The following SDK1 variants were observed in gnomAD, a reference collection of about 807,000 sequenced individuals.
SDK1 encodes the protein sidekick cell adhesion molecule 1.
A neutral mutation model predicts 245.5 loss-of-function variants in SDK1; 157 were observed. That is an observed-to-expected ratio of 0.64 (90% CI 0.56 to 0.73). The LOEUF is 0.73. SDK1 is among the 30% of genes least tolerant of loss of function. SDK1 has a pLI of 0.00. For missense variants in SDK1, 3,583 were observed against 3,002.3 expected (o/e 1.19, Z -4.52); for synonymous variants, 1,647 against 1,278.5 (o/e 1.29, Z -6.15).
chr7:4,082,895 A>G (rs2128179999), intron 22 of SDK1, among the ~76,000 whole-genome samples: 1 of 152,278 alleles, frequency 6.6e-6, no homozygotes, highest in Middle Eastern at 3.4e-3. Flanking sequence ...TGCTGTGATT[A>G]TAGGCATGAG....
chr7:3,764,890 A>C (rs1461556541), intron 4 of SDK1, among the ~76,000 whole-genome samples: 1 of 152,120 alleles, frequency 6.6e-6, no homozygotes. Flanking sequence ...TAAAAATAAA[A>C]AGTGCCATAC....
chr7:3,791,474 G>T (rs975790571), intron 4 of SDK1, among the ~76,000 whole-genome samples: 1 of 152,112 alleles, frequency 6.6e-6, no homozygotes, highest in African/African-American at 2.4e-5. Context: ...GTTCCCTCAG[G>T]GTCATCAGTC....
intron 1 of SDK1, among the ~76,000 whole-genome samples, chr7:3,582,616 T>C (rs1780540933): frequency 6.9e-6 from 1 of 144,732 alleles, no homozygotes; most frequent in Non-Finnish European, 1.5e-5. Flanking sequence ...GTAATCTATG[T>C]AATGAACCCT....
At chr7:4,258,093 A>T (rs1787738181) in intron 44 of SDK1, among the ~76,000 whole-genome samples, 1 of 152,168 alleles carries the variant, frequency 6.6e-6, no homozygotes. Context: ...TTCTCTTGAG[A>T]CTACAGGACT....
In SDK1 at chr7:4,161,772, C is replaced by T; in HGVS notation, c.4730-14C>T. On this transcript the variant is annotated splice_polypyrimidine_tract_variant and intron_variant, in intron 31 of 44. Coordinates refer to ENST00000404826, the MANE Select transcript of SDK1 (RefSeq NM_152744.4). ...ACCACCCTGACCCCCGCTTTCCTCT[C>T]CTGTGTGTTTCAGTTCCAGGAGAGC... is the stretch of plus-strand genomic sequence containing the variant. 6.2e-7 allele frequency: 1 copy of T among 1,611,622 alleles called. No individual in the cohort carries two copies.
chr7:4,220,224 C>G lies in SDK1; in HGVS notation c.5655C>G (p.Thr1885=), dbSNP rs770829401. 3.1e-6 allele frequency: 5 copies of G among 1,613,974 alleles called. No homozygotes were observed. The South Asian group carries it at 5.5e-5, about 18-fold the overall frequency. ...TCCGTGTCCAAGCGCGGACCATCAC[C>G]TACGGGCCCGAGCTCCAAGCCAATA... ...YFFRVQARTI[T]YGPELQANIT... is the part of the protein sequence containing the mutation. The change falls in exon 39 of 45, where the codon ACC becomes ACG. Residue 1885 remains threonine (T), a synonymous_variant. Coordinates refer to ENST00000404826, the MANE Select transcript of SDK1 (RefSeq NM_152744.4).
chr7:3,767,888 A>C (rs975296322), intron 4 of SDK1, among the ~76,000 whole-genome samples: 6 of 152,262 alleles, frequency 3.9e-5, no homozygotes, highest in Non-Finnish European at 7.3e-5. Context: ...TGTCTCCCAA[A>C]GCAAGGAGAG....
chr7:4,245,573 C>T (rs1786796069), intron 43 of SDK1, 103 bp from the exon 44 acceptor site: 1 of 1,368,308 alleles, frequency 7.3e-7, no homozygotes, highest in African/African-American at 1.4e-5. Flanking sequence ...CTGTGGGTTT[C>T]CTCTTAGTCC....
chr7:3,483,928 TTAAC>T (rs1781595983), intron 1 of SDK1, among the ~76,000 whole-genome samples: 1 of 152,232 alleles, frequency 6.6e-6, no homozygotes, highest in Admixed American at 6.5e-5. Context: ...TTTTTAGTTT[TTAAC>T]TAATACATAA....
chr7:4,194,637 A>G (rs553897714), intron 35 of SDK1, among the ~76,000 whole-genome samples: 4 of 152,272 alleles, frequency 2.6e-5, no homozygotes, highest in East Asian at 1.9e-4. Flanking sequence ...AGCTTCCAGT[A>G]TGGGAGAAGG....
chr7:4,008,185 C>T (rs894298794), intron 14 of SDK1, among the ~76,000 whole-genome samples: 1 of 152,214 alleles, frequency 6.6e-6, no homozygotes, highest in African/African-American at 2.4e-5. Flanking sequence ...ATACTGTCCT[C>T]AAGGTTCATC....
At chr7:3,303,957 C>T (rs1205455506) in intron 1 of SDK1, among the ~76,000 whole-genome samples, 5 of 152,110 alleles carry the variant, frequency 3.3e-5, no homozygotes, top group African/African-American at 4.8e-5. Context: ...TACGTTGGAG[C>T]GCCTCCTAAG....
intron 1 of SDK1, among the ~76,000 whole-genome samples, chr7:3,371,645 A>G (rs923071180): frequency 6.6e-6 from 1 of 152,186 alleles, no homozygotes; most frequent in African/African-American, 2.4e-5. Flanking sequence ...AAAATAGAAG[A>G]GGAGTATGGA....
intron 1 of SDK1, among the ~76,000 whole-genome samples, chr7:3,576,610 A>G (rs1583185285): frequency 6.6e-6 from 1 of 152,008 alleles, no homozygotes; most frequent in African/African-American, 2.4e-5. Context: ...TCCTAGAAAA[A>G]TGTAAGTCAT....
chr7:3,986,690 A>G (rs1042008659), intron 13 of SDK1, among the ~76,000 whole-genome samples: 4 of 152,060 alleles, frequency 2.6e-5, no homozygotes, highest in South Asian at 2.1e-4. Flanking sequence ...GTGAAACCCC[A>G]TCTCTACTAA....
rs928774882 is a variant in SDK1 at position 3,496,147 on chromosome 7, C to T, written c.299-122933C>T. Among the ~76,000 whole-genome samples, 4 of 152,120 alleles carry T rather than the reference C, an allele frequency of 2.6e-5. No individual in the cohort carries two copies. In the East Asian group the frequency reaches 7.7e-4, roughly 29 times the overall value. On this transcript the variant is annotated intron_variant, in intron 1 of 44. Coordinates refer to ENST00000404826, the MANE Select transcript of SDK1 (RefSeq NM_152744.4). ...TGCTCTGGTGCTGAGCAGCTGTATGCCTTTAACTTCTCTGTCACTGCTGCC... is the reference window on the plus strand; with the variant it reads ...TGCTCTGGTGCTGAGCAGCTGTATGTCTTTAACTTCTCTGTCACTGCTGCC...
chr7:3,350,512 G>A (rs1447696543), intron 1 of SDK1, among the ~76,000 whole-genome samples: 1 of 152,118 alleles, frequency 6.6e-6, no homozygotes, highest in African/African-American at 2.4e-5. Flanking sequence ...TGGTTATTTT[G>A]TTGTAAATTA....
intron 5 of SDK1, among the ~76,000 whole-genome samples, chr7:3,948,785 C>A (rs1780678913): frequency 6.6e-6 from 1 of 152,186 alleles, no homozygotes; most frequent in South Asian, 2.1e-4. Context: ...CTCAGTGGCC[C>A]AAGGACCATT....
intron 1 of SDK1, among the ~76,000 whole-genome samples, chr7:3,570,696 T>C (rs2128629381): frequency 6.6e-6 from 1 of 152,342 alleles, no homozygotes; most frequent in Middle Eastern, 3.4e-3. Flanking sequence ...GGCCCGGCCA[T>C]ATCCTGCAGT....
Sources: gnomAD v4.1 joint callset for allele counts (sites outside exome capture counted in the v4.1 genomes callset) on GRCh38, gnomAD v4.1.1 for gene constraint, MANE v1.5 for transcripts, NCBI Gene and HGNC (gene_info 2026-07-23, HGNC 2026-07-21) for gene names.